EIF2AK1: variants seen among roughly 807,000 people sequenced by gnomAD.
EIF2AK1 encodes the protein eukaryotic translation initiation factor 2 alpha kinase 1.
EIF2AK1 carries 54 observed loss-of-function variants against 77.9 expected under a neutral mutation model. The observed-to-expected ratio is 0.69, with a 90% CI of 0.56 to 0.87. EIF2AK1 has a LOEUF of 0.87. Among genes scored for constraint, EIF2AK1 ranks in the 40% least tolerant of loss-of-function variants. EIF2AK1 has a pLI of 0.00. For missense variants in EIF2AK1, 810 were observed against 768.6 expected (o/e 1.05, Z -0.64); for synonymous variants, 314 against 290.5 (o/e 1.08, Z -0.82).
chr7:6,046,002 C>T lies in EIF2AK1; in HGVS notation c.630+69G>A, dbSNP rs1057142242. 3.7e-5 allele frequency: 38 copies of T among 1,019,462 alleles called. No homozygotes were observed. The Admixed American group carries it at 3.8e-4, about 10-fold the overall frequency. The allele number at this position is 1,019,462 out of a possible 1,614,324, so 63.2% of individuals were successfully genotyped here. On this transcript the variant is annotated intron_variant, in intron 6 of 14. Coordinates refer to ENST00000199389, the MANE Select transcript of EIF2AK1 (RefSeq NM_014413.4). Reference sequence around the variant, plus strand: ...TACTTTTGCCAAATATACACATATACATGTATAACTCTTTCAAAAAGAACT... The same window carrying T: ...TACTTTTGCCAAATATACACATATATATGTATAACTCTTTCAAAAAGAACT...
At chr7:6,031,527 A>AC (rs1787912095) in intron 11 of EIF2AK1, 1 of 1,550,670 alleles carries the variant, frequency 6.4e-7, no homozygotes, top group African/African-American at 1.4e-5. Flanking sequence ...CTGAGAAATC[A>AC]CCCTGTCAAC....
chr7:6,054,721 A>G lies in EIF2AK1; in HGVS notation c.119-17T>C. On this transcript the variant is annotated splice_polypyrimidine_tract_variant and intron_variant, in intron 1 of 14. Coordinates refer to ENST00000199389, the MANE Select transcript of EIF2AK1 (RefSeq NM_014413.4). ...CATCAGATTCTAAAAATTAAAAAGG[A>G]AAATATTTTTAAATTAATGGTAAAC... The G allele has an allele frequency of 1.2e-6, 2 of 1,603,292 alleles. No individual in the cohort carries two copies. Among genetic ancestry groups the G allele is most frequent in the African/African-American group, 1.3e-5 (1 of 74,630 alleles).
At chr7:6,047,353 G>A (rs897544838) in intron 4 of EIF2AK1, 4 of 524,218 alleles carry the variant, frequency 7.6e-6, no homozygotes, top group Non-Finnish European at 1.4e-5. Flanking sequence ...ACAGCCAGCA[G>A]TTGGTTAGCT....
intron 6 of EIF2AK1, among the ~76,000 whole-genome samples, chr7:6,045,733 T>TTA (rs57579824): frequency 0.073 from 10,084 of 137,906 alleles, 833 homozygotes; most frequent in African/African-American, 0.2. Context: ...ATTTTAAAAA[T>TTA]TATATATATA....
chr7:6,043,045 G>A, intron 7 of EIF2AK1, 52 bp from the exon 8 acceptor site: 1 of 1,562,760 alleles, frequency 6.4e-7, no homozygotes, highest in Non-Finnish European at 8.8e-7. Flanking sequence ...TTTTCAAATT[G>A]TAGTCAAAGA....
At chr7:6,052,065 G>T (rs187665035) in intron 2 of EIF2AK1, among the ~76,000 whole-genome samples, 1 of 151,648 alleles carries the variant, frequency 6.6e-6, no homozygotes, top group East Asian at 2.0e-4. Flanking sequence ...CCAGCTACTT[G>T]GGAGGCTGAG....
At chr7:6,038,160 A>G (rs1175278591) in intron 10 of EIF2AK1, among the ~76,000 whole-genome samples, 1 of 152,146 alleles carries the variant, frequency 6.6e-6, no homozygotes, top group Admixed American at 6.6e-5. Context: ...CCAGGTGCAG[A>G]CGCTCACGCC....
chr7:6,028,254 GTTT>G (rs10710249), intron 13 of EIF2AK1, among the ~76,000 whole-genome samples: 2 of 138,012 alleles, frequency 1.4e-5, no homozygotes, highest in African/African-American at 2.7e-5. Flanking sequence ...TGTACTGTTT[GTTT>G]TTTTTTTTTT....
intron 12 of EIF2AK1, 69 bp from the exon 13 acceptor site, chr7:6,028,766 G>A (rs1176495999): frequency 7.3e-6 from 11 of 1,510,340 alleles, no homozygotes; most frequent in African/African-American, 6.9e-5. Context: ...CATTTACTAT[G>A]AGGAAGCAGT....
intron 11 of EIF2AK1, among the ~76,000 whole-genome samples, chr7:6,030,223 C>T (rs890023611): frequency 6.6e-6 from 1 of 151,994 alleles, no homozygotes; most frequent in African/African-American, 2.4e-5. Context: ...CAAACTTAAG[C>T]GGGAAAGGGA....
intron 14 of EIF2AK1, 122 bp from the exon 15 acceptor site, chr7:6,024,923 G>C: frequency 1.1e-5 from 7 of 657,444 alleles, no homozygotes; most frequent in Non-Finnish European, 1.4e-5. Context: ...ACTGCAACCT[G>C]TGCCTCCCCA....
At chr7:6,058,923 G>A (rs1254574208) in intron 1 of EIF2AK1, 43 bp downstream of exon 1, 1 of 1,467,156 alleles carries the variant, frequency 6.8e-7, no homozygotes, top group African/African-American at 1.5e-5. Context: ...AACGCAGGTG[G>A]ACAGAGAGAG....
In EIF2AK1 at chr7:6,041,149, T is replaced by C; in HGVS notation, c.862A>G (p.Lys288Glu). 2 of 1,614,130 alleles carry C rather than the reference T, an allele frequency of 1.2e-6. No individual in the cohort carries two copies. The highest frequency in any genetic ancestry group is 2.2e-5 in the South Asian group (2 of 91,080). ...SIIFAEPTPE[K>E]EKRFGESDTE... ...TCAGATTCTCCAAAGCGTTTTTCTT[T>C]TTCTGGGGTGGGCTCAGCAAAGATA... The change falls in exon 9 of 15, where the codon AAA becomes GAA. Residue 288 changes from lysine to glutamate, a missense_variant. Physicochemically the swap from Lys to Glu is moderately conservative, Grantham distance 56. Transcript: ENST00000199389.
intron 1 of EIF2AK1, among the ~76,000 whole-genome samples, chr7:6,056,613 A>AAAATATATATATATATATATATATATAT: frequency 4.6e-5 from 2 of 43,728 alleles, no homozygotes; most frequent in Admixed American, 2.4e-4. Context: ...AAAAAAAAAA[A>AAAATATATATATATATATATATATATAT]ATATATATAT....
intron 11 of EIF2AK1, among the ~76,000 whole-genome samples, chr7:6,034,867 T>C (rs776167773): frequency 2.6e-4 from 39 of 152,194 alleles, no homozygotes; most frequent in Non-Finnish European, 4.0e-4. Flanking sequence ...GGTCTTCAGA[T>C]TCAACCCCTG....
At position 6,054,588 on chromosome 7, in the gene EIF2AK1, C is replaced by T. The variant is rs752928861; in HGVS notation, c.235G>A (p.Val79Met). 1.9e-5 allele frequency: 31 copies of T among 1,613,940 alleles called. No individual in the cohort carries two copies. Among genetic ancestry groups the T allele is most frequent in the African/African-American group, 4.0e-5 (3 of 74,884 alleles). Residue 79 changes from valine (V) to methionine (M), a missense_variant, in exon 2 of 15, where the codon GTG (valine) becomes ATG (methionine). By Grantham distance (21) the Val-to-Met change is conservative. Coordinates refer to ENST00000199389, the MANE Select transcript of EIF2AK1 (RefSeq NM_014413.4). ...LVSLLEHLSH[V>M]HEPNPLRSRQ... ...GAACGAAGTGGGTTTGGTTCATGCACGTGGCTCAAGTGCTCCAGCAAAGAA... is the reference window on the plus strand; with the variant it reads ...GAACGAAGTGGGTTTGGTTCATGCATGTGGCTCAAGTGCTCCAGCAAAGAA...
Position 6,024,429 on chromosome 7 carries a change from A to G in EIF2AK1, c.*244T>C, listed in dbSNP as rs1288027871. 22 of 1,364,780 alleles carry G rather than the reference A, an allele frequency of 1.6e-5. No individual in the cohort carries two copies. In the East Asian group the frequency reaches 6.3e-4, roughly 39 times the overall value. The allele number at this position is 1,364,780 out of a possible 1,614,324, so 84.5% of individuals were successfully genotyped here. ...GTCAACAGAGTTGAAAGGAGAAAAT[A>G]ATTGAGGATGAGGTCCAAGTTTTTA... On this transcript the variant is annotated 3_prime_UTR_variant, in exon 15 of 15. Coordinates refer to ENST00000199389, the MANE Select transcript of EIF2AK1 (RefSeq NM_014413.4).
chr7:6,048,723 T>TA lies in EIF2AK1; in HGVS notation c.449+83dup. 3 of 1,121,208 alleles carry TA rather than the reference T, an allele frequency of 2.7e-6. No homozygotes were observed. The East Asian group carries it at 7.5e-5, about 28-fold the overall frequency. 69.5% of individuals were successfully genotyped at this position (1,121,208 alleles called of 1,614,324 possible). A position where few individuals can be genotyped will look rare whatever the true frequency, so the allele number is the denominator to read the frequency against. ...TGTTCATAAATAATACTAACAATAT[T>TA]ATGTTTTAACCTCAAATCAGTATTT... On this transcript the variant is annotated intron_variant, in intron 4 of 14. Transcript: ENST00000199389.
chr7:6,046,888 A>G, intron 5 of EIF2AK1, 104 bp downstream of exon 5: 2 of 1,090,820 alleles, frequency 1.8e-6, no homozygotes, highest in African/African-American at 1.6e-5. Context: ...CGACAGAGCG[A>G]GACTCCATCT....
Sources: gnomAD v4.1 joint callset for allele counts (sites outside exome capture counted in the v4.1 genomes callset) on GRCh38, gnomAD v4.1.1 for gene constraint, MANE v1.5 for transcripts, NCBI Gene and HGNC (gene_info 2026-07-23, HGNC 2026-07-21) for gene names.